MCF2L: variants seen among roughly 807,000 people sequenced by gnomAD.
The protein encoded by MCF2L is MCF.2 cell line derived transforming sequence like.
A neutral mutation model predicts 153.4 loss-of-function variants in MCF2L; 97 were observed. That is an observed-to-expected ratio of 0.63 (90% CI 0.54 to 0.75). MCF2L has a LOEUF of 0.75. Among genes scored for constraint, MCF2L ranks in the 30% least tolerant of loss-of-function variants. The pLI is 0.00. For synonymous variants in MCF2L, 659 were observed against 632.2 expected, an observed-to-expected ratio of 1.04 and a Z score of -0.64; for missense variants, 1,347 against 1,495.2, an observed-to-expected ratio of 0.90 and a Z score of 1.64.
chr13:112,966,362 T>G (rs2081893163), upstream of MCF2L, among the ~76,000 whole-genome samples: 1 of 152,210 alleles, frequency 6.6e-6, no homozygotes, highest in African/African-American at 2.4e-5. This position sits in a 1 kb window ranked among gnomAD's most constrained non-coding sequence, Gnocchi z 4.1. Context: ...CCAGGCTGTC[T>G]GGGAGCAGAG....
rs59707825 is a variant in MCF2L, at chr13:112,960,136, A to T, written c.170-54627A>T. ...CTGCTGCTATAACAGAGTATCACAG[A>T]TTGGGTAATTTACACACAATGGAAG... On this transcript the variant is annotated intron_variant, in intron 2 of 29. Transcript: ENST00000375608. This position sits in a 1 kb window ranked among gnomAD's most constrained non-coding sequence, Gnocchi z 4.2. Among the ~76,000 whole-genome samples, 800 of 152,312 alleles carry T rather than the reference A, an allele frequency of 5.3e-3. 9 individuals carry two copies. Among genetic ancestry groups the T allele is most frequent in the African/African-American group, 0.018 (768 of 41,564 alleles).
intron 27 of MCF2L, chr13:113,095,295 G>C (rs900867682): frequency 1.7e-6 from 2 of 1,177,512 alleles, no homozygotes; most frequent in Non-Finnish European, 2.1e-6. Flanking sequence ...GGTCCCGGAG[G>C]CTCTGGAAGG....
At chr13:112,973,184 C>T (rs1327589853) in intron 1 of MCF2L, among the ~76,000 whole-genome samples, 1 of 152,190 alleles carries the variant, frequency 6.6e-6, no homozygotes, top group African/African-American at 2.4e-5. Context: ...CGCCTTAGCA[C>T]TCCCCTCTCA....
At chr13:113,039,154 C>G (rs571482840) in intron 3 of MCF2L, among the ~76,000 whole-genome samples, 61 of 152,128 alleles carry the variant, frequency 4.0e-4, no homozygotes, top group Non-Finnish European at 7.5e-4. Flanking sequence ...CCACCGCGCC[C>G]GGCCATTGCA....
chr13:113,072,659 T>C (rs2033037175), intron 9 of MCF2L, among the ~76,000 whole-genome samples: 1 of 152,218 alleles, frequency 6.6e-6, no homozygotes, highest in Non-Finnish European at 1.5e-5. Context: ...TATTCTTTCT[T>C]ATCTTTTTGA....
intron 3 of MCF2L, among the ~76,000 whole-genome samples, chr13:113,029,146 C>T (rs1335711738): frequency 2.0e-5 from 3 of 152,148 alleles, no homozygotes; most frequent in Non-Finnish European, 2.9e-5. Flanking sequence ...TTTGGGAGGA[C>T]GCCCATGTGC....
In MCF2L at chr13:112,957,580, C is replaced by T. The variant is rs535274768; in HGVS notation, c.169+55209C>T. On this transcript the variant is annotated intron_variant, in intron 2 of 29. Coordinates refer to the MCF2L transcript ENST00000375608. The stretch of plus-strand genomic sequence containing the variant: ...TAGACGCCAGATAGACGTGGCCAGT[C>T]GTGCTGTTTCAAGGTCTTATTCCAG... 7 of 150,842 alleles carry T rather than the reference C, an allele frequency of 4.6e-5. No homozygotes were observed. In the South Asian group the frequency reaches 8.4e-4, roughly 18 times the overall value. 9.3% of individuals were successfully genotyped at this position (150,842 alleles called of 1,614,324 possible). A position where few individuals can be genotyped will look rare whatever the true frequency, so the allele number is the denominator to read the frequency against.
chr13:113,058,736 C>CACTGTGTGGGT (rs1555377858), intron 4 of MCF2L, among the ~76,000 whole-genome samples: 10 of 119,950 alleles, frequency 8.3e-5, no homozygotes, highest in East Asian at 5.4e-4. Context: ...GCTGTGTGGG[C>CACTGTGTGGGT]GCTGAGTGGG....
chr13:112,919,719 C>T (rs2081334313), intron 2 of MCF2L, among the ~76,000 whole-genome samples: 1 of 152,176 alleles, frequency 6.6e-6, no homozygotes, highest in Non-Finnish European at 1.5e-5. Flanking sequence ...ATTTGTTCTT[C>T]ATACCTACTA....
chr13:112,931,276 G>C (rs920931389), intron 2 of MCF2L, among the ~76,000 whole-genome samples: 2 of 152,186 alleles, frequency 1.3e-5, no homozygotes, highest in Non-Finnish European at 2.9e-5. Context: ...GGGCAGGAGT[G>C]GGGTCTGTGA....
chr13:113,026,559 C>A (rs545357570), intron 3 of MCF2L, among the ~76,000 whole-genome samples: 1 of 152,200 alleles, frequency 6.6e-6, no homozygotes, highest in Admixed American at 6.5e-5. Context: ...ACCATCACTG[C>A]GCATGCCTGT....
At chr13:113,090,006 C>T (rs776501318) in intron 26 of MCF2L, 21 of 1,599,738 alleles carry the variant, frequency 1.3e-5, no homozygotes, top group Middle Eastern at 1.7e-4. Context: ...CTGCGACAGC[C>T]GGACCCGCCT....
rs545596370 is a variant in MCF2L, at chr13:112,983,377, A to T, written c.79+13919A>T. On this transcript the variant is annotated intron_variant, in intron 1 of 29. Transcript: ENST00000535094. The surrounding 1 kb of genome is among the most constrained non-coding windows in gnomAD (Gnocchi z 4.0). ...GTGCCCAGTGGCACTGCGGAAACCC[A>T]GGCCGGACCTCACAATTGCAGGATG... is the stretch of plus-strand genomic sequence containing the variant. 6.6e-6 allele frequency among the ~76,000 whole-genome samples: 1 copy of T among 152,338 alleles called. No individual in the cohort carries two copies. Among genetic ancestry groups the T allele is most frequent in the East Asian group, 1.9e-4 (1 of 5,178 alleles).
At position 112,898,454 on chromosome 13, in the gene MCF2L, G is replaced by C. The variant is rs1176858391; in HGVS notation, c.-4-3745G>C. Among the ~76,000 whole-genome samples the C allele has an allele frequency of 2.6e-5, 4 of 152,258 alleles. 1 individual carries two copies. The highest frequency in any genetic ancestry group is 9.6e-5 in the African/African-American group (4 of 41,556). On this transcript the variant is annotated intron_variant, in intron 1 of 29. Coordinates refer to the MCF2L transcript ENST00000375608. Reference sequence around the variant, plus strand: ...CATCCCCGTGAACCGAGCTCGGCAGGTGCCGGAACTGAGTCCAGGTCCAGC... The same window carrying C: ...CATCCCCGTGAACCGAGCTCGGCAGCTGCCGGAACTGAGTCCAGGTCCAGC...
chr13:113,045,199 T>C lies in MCF2L; in HGVS notation c.279-72T>C. 1.6e-6 allele frequency: 2 copies of C among 1,241,034 alleles called. No homozygotes were observed. Among genetic ancestry groups the C allele is most frequent in the Non-Finnish European group, 2.4e-6 (2 of 840,454 alleles). 76.9% of individuals were successfully genotyped at this position (1,241,034 alleles called of 1,614,324 possible). On this transcript the variant is annotated intron_variant, in intron 3 of 29. Coordinates refer to ENST00000535094, the MANE Select transcript of MCF2L (RefSeq NM_001112732.3). The surrounding 1 kb of genome is among the most constrained non-coding windows in gnomAD (Gnocchi z 4.2). ...TGGGGGATCGCTCTCCCAAGAGGTT[T>C]TCTGAGGGATTTCGTGGGCAGCCGG... is the stretch of plus-strand genomic sequence containing the variant.
At chr13:113,033,426 CCA>C (rs1566773751) in intron 3 of MCF2L, among the ~76,000 whole-genome samples, 807 of 127,648 alleles carry the variant, frequency 6.3e-3, no homozygotes, top group Non-Finnish European at 9.3e-3. Flanking sequence ...TGAGTGGCCC[CCA>C]TGATGTGAGT....
rs770656840 is a variant in MCF2L at position 113,070,185 on chromosome 13, T to C, written c.996+12T>C. ...AGGGCTTCCGGGAGGTGAGTGGCCC[T>C]GGGTGGAGCCGGCAGCCGCCCTGAT... On this transcript the variant is annotated intron_variant, in intron 9 of 29. Coordinates refer to ENST00000535094, the MANE Select transcript of MCF2L (RefSeq NM_001112732.3). This position sits in a 1 kb window ranked among gnomAD's most constrained non-coding sequence, Gnocchi z 5.6. 3.9e-6 allele frequency: 6 copies of C among 1,555,032 alleles called. No individual in the cohort carries two copies. The highest frequency in any genetic ancestry group is 5.2e-6 in the Non-Finnish European group (6 of 1,152,214).
Position 113,076,115 on chromosome 13 carries a change from G to A in MCF2L, c.1458G>A (p.Ala486=), listed in dbSNP as rs748313811. ...GAENKIQELN[A]IYKEYESILN... ...AAAATAAGATCCAGGAGCTCAACGCGATTTACAAGGAATACGAATCCATCC... is the reference window on the plus strand; with the variant it reads ...AAAATAAGATCCAGGAGCTCAACGCAATTTACAAGGAATACGAATCCATCC... The change falls in exon 12 of 30, where the codon GCG becomes GCA. Residue 486 remains alanine, a synonymous_variant. Coordinates refer to ENST00000535094, the MANE Select transcript of MCF2L (RefSeq NM_001112732.3). 21 of 1,613,816 alleles carry A rather than the reference G, an allele frequency of 1.3e-5. No homozygotes were observed. The highest frequency in any genetic ancestry group is 1.7e-5 in the Admixed American group (1 of 59,980).
intron 1 of MCF2L, among the ~76,000 whole-genome samples, chr13:112,988,979 G>A (rs565966292): frequency 5.1e-5 from 7 of 138,372 alleles, no homozygotes; most frequent in South Asian, 4.8e-4. Flanking sequence ...CCCTGAGCAG[G>A]GGATGGAACT....
Sources: allele counts gnomAD v4.1 joint callset (sites outside exome capture counted in the v4.1 genomes callset), GRCh38; gene constraint gnomAD v4.1.1; non-coding constraint Gnocchi (gnomAD v3.1); transcripts MANE v1.5; gene names NCBI Gene and HGNC (gene_info 2026-07-23, HGNC 2026-07-21).